The following PPFIBP2 variants were observed in gnomAD, a reference collection of about 807,000 sequenced individuals.
The protein encoded by PPFIBP2 is liprin-beta-2.
PPFIBP2 carries 118 observed loss-of-function variants against 118.3 expected under a neutral mutation model. That is an observed-to-expected ratio of 1.00 (90% CI 0.86 to 1.16). The LOEUF (loss-of-function observed/expected upper bound fraction) is 1.16, where lower values mean the gene tolerates loss of function less well. PPFIBP2 is among the 50% of genes most tolerant of loss of function. PPFIBP2 has a pLI of 0.00. For synonymous variants in PPFIBP2, 414 were observed against 397.4 expected, an observed-to-expected ratio of 1.04 and a Z score of -0.50; for missense variants, 1,195 against 1,073.1, an observed-to-expected ratio of 1.11 and a Z score of -1.59.
Position 7,653,748 on chromosome 11 carries a change from A to G in PPFIBP2, c.*530A>G. On this transcript the variant is annotated 3_prime_UTR_variant, in exon 24 of 24. Coordinates refer to ENST00000299492, the MANE Select transcript of PPFIBP2 (RefSeq NM_003621.5). ...CTTTCTTGTAATAAAAGCAATATTT[A>G]TGCGGAAAGCAAGCAGCTCACCATA... The G allele has an allele frequency of 2.5e-6, 3 of 1,212,696 alleles. No homozygotes were observed. Among genetic ancestry groups the G allele is most frequent in the Non-Finnish European group, 3.1e-6 (3 of 954,744 alleles). The allele number at this position is 1,212,696 out of a possible 1,614,324, so 75.1% of individuals were successfully genotyped here.
At chr11:7,657,136 C>G (rs1854758020), downstream of PPFIBP2, 3 of 228,748 alleles carry the variant, frequency 1.3e-5, no homozygotes, top group Non-Finnish European at 2.7e-5. Context: ...CCTGGAGGCT[C>G]TCACACTCGA....
At chr11:7,554,033 A>T (rs545932919) in intron 2 of PPFIBP2, among the ~76,000 whole-genome samples, 1 of 151,228 alleles carries the variant, frequency 6.6e-6, no homozygotes, top group Non-Finnish European at 1.5e-5. Flanking sequence ...GAAGTTTGAA[A>T]ACTGGCACCA....
Position 7,620,923 on chromosome 11 carries a change from C to A in PPFIBP2, c.619-12C>A. On this transcript the variant is annotated splice_polypyrimidine_tract_variant and intron_variant, in intron 6 of 23. Transcript: ENST00000299492. ...AACCATCAGAACTTTGTCTTTCTCC[C>A]TCATCCCCTAGGAGTTACTGCAAGA... The A allele has an allele frequency of 6.3e-7, 1 of 1,582,212 alleles. No homozygotes were observed. Among genetic ancestry groups the A allele is most frequent in the Admixed American group, 1.7e-5 (1 of 59,974 alleles).
At position 7,629,462 on chromosome 11, in the gene PPFIBP2, C is replaced by T. The variant is rs112515313; in HGVS notation, c.892C>T (p.Arg298Cys). The change falls in exon 10 of 24, where the codon CGT becomes TGT. Residue 298 changes from arginine to cysteine, a missense_variant. Coordinates refer to ENST00000299492, the MANE Select transcript of PPFIBP2 (RefSeq NM_003621.5). ...ATCTCTACTTGCACTATGGCAGGAC[C>T]GTCGGATAGAGGAGCTTACGGGGCT... is the stretch of plus-strand genomic sequence containing the variant. ...TLLLANEDKD[R>C]RIEELTGLLN... 1.5e-5 allele frequency: 25 copies of T among 1,613,828 alleles called. No individual in the cohort carries two copies. In the African/African-American group the frequency reaches 1.6e-4, roughly 10 times the overall value.
At chr11:7,607,328 C>T (rs192850868) in intron 5 of PPFIBP2, among the ~76,000 whole-genome samples, 6 of 148,306 alleles carry the variant, frequency 4.0e-5, no homozygotes, top group Admixed American at 4.0e-4. Flanking sequence ...CCACCTCAGC[C>T]TCTCAAGTAG....
intron 3 of PPFIBP2, among the ~76,000 whole-genome samples, chr11:7,586,175 T>A (rs1159636009): frequency 6.6e-6 from 1 of 152,204 alleles, no homozygotes; most frequent in African/African-American, 2.4e-5. Flanking sequence ...ATTTCAAGCC[T>A]GAAAGTATTT....
chr11:7,560,070 C>T (rs1288880838), intron 2 of PPFIBP2, among the ~76,000 whole-genome samples: 2 of 152,216 alleles, frequency 1.3e-5, no homozygotes, highest in Non-Finnish European at 2.9e-5. Context: ...GAGGCCTGCT[C>T]TGAGATTTTC....
At chr11:7,546,598 C>T (rs1490694215) in intron 1 of PPFIBP2, among the ~76,000 whole-genome samples, 2 of 152,206 alleles carry the variant, frequency 1.3e-5, no homozygotes, top group Non-Finnish European at 2.9e-5. Flanking sequence ...GGTGTGATTC[C>T]CAGGCTCCTC....
Position 7,628,355 on chromosome 11 carries a change from G to A in PPFIBP2, c.888+9G>A, listed in dbSNP as rs376290766. 3.8e-4 allele frequency: 606 copies of A among 1,612,916 alleles called. 10 individuals are homozygous for A. In the South Asian group the frequency reaches 6.2e-3, roughly 16 times the overall value. ...TTGCCAATGAAGATAAGGTAAGATGGTCATTGGGTAGCCCTGTCTTTTCCA... is the reference window on the plus strand; with the variant it reads ...TTGCCAATGAAGATAAGGTAAGATGATCATTGGGTAGCCCTGTCTTTTCCA... On this transcript the variant is annotated intron_variant, in intron 9 of 23. Transcript: ENST00000299492.
At chr11:7,611,116 G>C (rs1013497627) in intron 6 of PPFIBP2, among the ~76,000 whole-genome samples, 1 of 152,190 alleles carries the variant, frequency 6.6e-6, no homozygotes, top group Non-Finnish European at 1.5e-5. Context: ...AGCAATGAGA[G>C]ATATGAAAGA....
At chr11:7,635,449 C>T in intron 13 of PPFIBP2, 103 bp from the exon 14 acceptor site, 1 of 1,111,462 alleles carries the variant, frequency 9.0e-7, no homozygotes, top group South Asian at 1.3e-5. Flanking sequence ...AGGGGATGCG[C>T]CTTTCAGATT....
the PPFIBP2 span, chr11:7,665,112 A>G: frequency 3.1e-6 from 1 of 326,302 alleles, no homozygotes; most frequent in Non-Finnish European, 5.6e-6. Flanking sequence ...TCTGCTTTGT[A>G]CTTGAGTTTA....
Position 7,593,145 on chromosome 11 carries a change from A to G in PPFIBP2, c.293A>G (p.His98Arg), listed in dbSNP as rs1590427258. Reference sequence around the variant, plus strand: ...TGTCCTCTTTAGTCCCAGGTAAACCACCACAGTGCTGCTAGTAATGAAACC... The same window carrying G: ...TGTCCTCTTTAGTCCCAGGTAAACCGCCACAGTGCTGCTAGTAATGAAACC... ...WFEESLSQVN[H>R]HSAASNETYQ... Residue 98 changes from histidine (H) to arginine (R), a missense_variant, in exon 4 of 24, where the codon CAC becomes CGC. Physicochemically the swap from His to Arg is conservative, Grantham distance 29. Transcript: ENST00000299492. 1 of 1,613,918 alleles carries G rather than the reference A, an allele frequency of 6.2e-7. No individual in the cohort carries two copies. Among genetic ancestry groups the G allele is most frequent in the East Asian group, 2.2e-5 (1 of 44,876 alleles).
chr11:7,605,402 G>A (rs1214970467), intron 5 of PPFIBP2, among the ~76,000 whole-genome samples: 1 of 152,250 alleles, frequency 6.6e-6, no homozygotes. Flanking sequence ...AACAGTTCCT[G>A]AAAGGAGTCA....
At chr11:7,572,292 A>T (rs1168488360) in intron 3 of PPFIBP2, among the ~76,000 whole-genome samples, 3 of 152,064 alleles carry the variant, frequency 2.0e-5, no homozygotes, top group African/African-American at 7.2e-5. Context: ...GGGGATTTTG[A>T]ATGCCCTTTT....
intron 3 of PPFIBP2, among the ~76,000 whole-genome samples, chr11:7,592,916 G>A (rs1424967891): frequency 6.6e-6 from 1 of 152,210 alleles, no homozygotes; most frequent in East Asian, 1.9e-4. Context: ...GGAGGTGGTT[G>A]TGCCAACTTC....
intron 23 of PPFIBP2, among the ~76,000 whole-genome samples, chr11:7,652,047 G>A (rs554739879): frequency 3.9e-5 from 6 of 152,272 alleles, no homozygotes; most frequent in Non-Finnish European, 8.8e-5. Flanking sequence ...AAGGAAGACA[G>A]TGCAGGTTTC....
At chr11:7,602,772 A>C (rs1249457704) in intron 5 of PPFIBP2, among the ~76,000 whole-genome samples, 1 of 152,142 alleles carries the variant, frequency 6.6e-6, no homozygotes, top group African/African-American at 2.4e-5. Flanking sequence ...GGTTTAGGCA[A>C]CTTCATTTTT....
At chr11:7,624,715 G>A (rs192031609) in intron 7 of PPFIBP2, among the ~76,000 whole-genome samples, 10 of 152,368 alleles carry the variant, frequency 6.6e-5, no homozygotes, top group African/African-American at 2.2e-4. Flanking sequence ...AGAATAGGAT[G>A]AGAGGAGCAA....
Sources: allele counts gnomAD v4.1 joint callset (sites outside exome capture counted in the v4.1 genomes callset), GRCh38; gene constraint gnomAD v4.1.1; transcripts MANE v1.5; gene names NCBI Gene and HGNC (gene_info 2026-07-23, HGNC 2026-07-21).